Variants in USH2A observed in about 807,000 individuals in gnomAD.
USH2A encodes the protein Usher syndrome 2A (autosomal recessive, mild).
In USH2A, 443 loss-of-function variants were observed where a neutral mutation model predicts 538.9. The observed-to-expected ratio is 0.82, with a 90% CI of 0.76 to 0.89. The LOEUF is 0.89. Ranked by LOEUF, USH2A falls within the 40% of genes least tolerant of loss-of-function variation. USH2A has a pLI of 0.00. For synonymous variants in USH2A, 2,413 were observed against 2,273.5 expected (o/e 1.06, Z -1.75); for missense variants, 6,633 against 6,324.8 (o/e 1.05, Z -1.65).
chr1:215,817,519 T>G (rs138670940), intron 47 of USH2A, among the ~76,000 whole-genome samples: 1,532 of 152,000 alleles, frequency 0.01, 10 homozygotes, highest in Middle Eastern at 0.034. Context: ...AATTAGAACA[T>G]GTGGCAACTT....
chr1:216,146,391 G>A (rs1262432419), intron 21 of USH2A, among the ~76,000 whole-genome samples: 1 of 152,190 alleles, frequency 6.6e-6, no homozygotes, highest in Admixed American at 6.5e-5. Context: ...AGACTGGGAA[G>A]GCAGCCTTCC....
intron 52 of USH2A, among the ~76,000 whole-genome samples, chr1:215,783,759 T>C (rs540545630): frequency 1.3e-5 from 2 of 152,338 alleles, no homozygotes; most frequent in Admixed American, 1.3e-4. Context: ...TAAGTATGTA[T>C]GTATTTTTGT....
chr1:216,207,581 G>T, intron 15 of USH2A, 150 bp from the exon 16 acceptor site: 3 of 1,014,850 alleles, frequency 3.0e-6, no homozygotes, highest in Non-Finnish European at 4.3e-6. Context: ...ATAAACAAAG[G>T]GTTCATGAGT....
chr1:216,083,060 A>T (rs1311589163), intron 26 of USH2A, among the ~76,000 whole-genome samples: 1 of 152,060 alleles, frequency 6.6e-6, no homozygotes, highest in Non-Finnish European at 1.5e-5. Context: ...GCGTGGTGGT[A>T]GGTCCAGGAG....
In USH2A at chr1:215,974,302, G is replaced by T. The variant is rs1397751229; in HGVS notation, c.6806-3526C>A. 3.0e-4 allele frequency among the ~76,000 whole-genome samples: 45 copies of T among 152,072 alleles called. 1 individual carries two copies. The highest frequency in any genetic ancestry group is 3.0e-3 in the Admixed American group (45 of 15,236). ...ATTTTAAACTGAAGCCTAAGAAGAT[G>T]CTTTTTTCTTTAACTAGAACACAGG... On this transcript the variant is annotated intron_variant, in intron 35 of 71. Transcript: ENST00000307340.
chr1:215,880,146 A>G (rs1035404062), intron 41 of USH2A, among the ~76,000 whole-genome samples: 2 of 152,210 alleles, frequency 1.3e-5, no homozygotes, highest in Admixed American at 6.5e-5. Flanking sequence ...GGTTTCTACA[A>G]GGTGACATAT....
At chr1:215,770,878 G>C (rs1217001640) in intron 55 of USH2A, among the ~76,000 whole-genome samples, 7 of 150,742 alleles carry the variant, frequency 4.6e-5, no homozygotes, top group Non-Finnish European at 1.0e-4. Flanking sequence ...GACGAGGCGG[G>C]TGGATCACTT....
intron 13 of USH2A, among the ~76,000 whole-genome samples, chr1:216,243,303 G>T (rs977712437): frequency 6.6e-6 from 1 of 152,060 alleles, no homozygotes; most frequent in Non-Finnish European, 1.5e-5. Flanking sequence ...ATAATAATGG[G>T]ATCTATCAAT....
chr1:215,734,038 C>T (rs561757070), intron 60 of USH2A, among the ~76,000 whole-genome samples: 1 of 152,332 alleles, frequency 6.6e-6, no homozygotes, highest in South Asian at 2.1e-4. Context: ...TCTGCACTGC[C>T]CTAGTAGAGT....
At chr1:215,787,273 C>T (rs545869356) in intron 51 of USH2A, among the ~76,000 whole-genome samples, 1 of 152,112 alleles carries the variant, frequency 6.6e-6, no homozygotes, top group Non-Finnish European at 1.5e-5. Flanking sequence ...TTAGTATACA[C>T]ACTACAAATA....
intron 11 of USH2A, among the ~76,000 whole-genome samples, chr1:216,277,697 A>G (rs180807730): frequency 6.6e-6 from 1 of 152,274 alleles, no homozygotes; most frequent in East Asian, 1.9e-4. Context: ...TAGAGACTAC[A>G]TGTCTTCAGC....
intron 11 of USH2A, among the ~76,000 whole-genome samples, chr1:216,258,530 A>G (rs1331187463): frequency 3.9e-5 from 6 of 151,918 alleles, no homozygotes; most frequent in Admixed American, 3.9e-4. Flanking sequence ...CTCTCTGCAA[A>G]CTCTAACTAC....
chr1:216,399,258 G>C (rs1285844881), intron 3 of USH2A, among the ~76,000 whole-genome samples: 1 of 152,148 alleles, frequency 6.6e-6, no homozygotes, highest in East Asian at 1.9e-4. Flanking sequence ...TCTGGTGTCA[G>C]TGGGACCAAG....
intron 56 of USH2A, among the ~76,000 whole-genome samples, chr1:215,760,600 A>G (rs1298203466): frequency 6.6e-6 from 1 of 152,180 alleles, no homozygotes. Context: ...AACTAAAAAC[A>G]TGCAAAACAG....
At chr1:216,290,226 T>C (rs929967057) in intron 10 of USH2A, among the ~76,000 whole-genome samples, 1 of 152,158 alleles carries the variant, frequency 6.6e-6, no homozygotes, top group Non-Finnish European at 1.5e-5. Context: ...TTGAAATTTC[T>C]CCAATATTTG....
intron 15 of USH2A, among the ~76,000 whole-genome samples, chr1:216,211,168 C>T (rs183036410): frequency 6.6e-5 from 10 of 152,212 alleles, no homozygotes; most frequent in Middle Eastern, 3.4e-3. Context: ...TATCCTGTAT[C>T]ATAAATCAGT....
chr1:215,901,809 G>A (rs1665509375), intron 38 of USH2A, among the ~76,000 whole-genome samples: 1 of 152,136 alleles, frequency 6.6e-6, no homozygotes, highest in African/African-American at 2.4e-5. Context: ...ATATCAGCTT[G>A]TTCCAAATCA....
At chr1:216,326,392 C>G (rs575291487) in intron 5 of USH2A, among the ~76,000 whole-genome samples, 2 of 152,278 alleles carry the variant, frequency 1.3e-5, no homozygotes, top group South Asian at 2.1e-4. Context: ...GTGAAGGAGT[C>G]AGGCAGCTTT....
At chr1:216,376,220 T>TAAAATA (rs1354109832) in intron 3 of USH2A, among the ~76,000 whole-genome samples, 1 of 152,070 alleles carries the variant, frequency 6.6e-6, no homozygotes, top group Non-Finnish European at 1.5e-5. Flanking sequence ...TGTAAAAAAA[T>TAAAATA]AAAATAAAAA....
Sources: gnomAD v4.1 joint callset for allele counts (sites outside exome capture counted in the v4.1 genomes callset) on GRCh38, gnomAD v4.1.1 for gene constraint, MANE v1.5 for transcripts, NCBI Gene and HGNC (gene_info 2026-07-23, HGNC 2026-07-21) for gene names.